Variants in VPS13B observed in about 807,000 individuals in gnomAD.
VPS13B encodes the protein intermembrane lipid transfer protein VPS13B.
A neutral mutation model predicts 426.4 loss-of-function variants in VPS13B; 285 were observed. The observed-to-expected ratio is 0.67, with a 90% confidence interval of 0.61 to 0.74. The LOEUF (loss-of-function observed/expected upper bound fraction) is 0.74. Among genes scored for constraint, VPS13B ranks in the 30% least tolerant of loss-of-function variants. VPS13B has a pLI of 0.00. For synonymous variants in VPS13B, 1,676 were observed against 1,676.4 expected (o/e 1.00, Z 0.01); for missense variants, 4,537 against 4,782.6 (o/e 0.95, Z 1.51).
chr8:99,174,236 C>A (rs990076413), intron 16 of VPS13B, among the ~76,000 whole-genome samples: 3 of 152,166 alleles, frequency 2.0e-5, no homozygotes, highest in African/African-American at 7.2e-5. Flanking sequence ...TATCCATTGA[C>A]AAATACCTCT....
At chr8:99,741,005 T>G (rs1472644123) in intron 39 of VPS13B, among the ~76,000 whole-genome samples, 1 of 152,044 alleles carries the variant, frequency 6.6e-6, no homozygotes, top group Non-Finnish European at 1.5e-5. Flanking sequence ...GGCTAAATGC[T>G]CCAATTAAAA....
chr8:99,217,208 A>G (rs2132815748), intron 17 of VPS13B, among the ~76,000 whole-genome samples: 1 of 152,268 alleles, frequency 6.6e-6, no homozygotes, highest in South Asian at 2.1e-4. Flanking sequence ...TTGCTAACAC[A>G]TAAGTGATTA....
At chr8:99,085,173 CT>C (rs1731412800) in intron 3 of VPS13B, among the ~76,000 whole-genome samples, 1 of 152,108 alleles carries the variant, frequency 6.6e-6, no homozygotes, top group Non-Finnish European at 1.5e-5. Context: ...ATAGTTAGCT[CT>C]TGTCGTTGAA....
chr8:99,362,476 G>C (rs1334604913), intron 19 of VPS13B, among the ~76,000 whole-genome samples: 2 of 151,952 alleles, frequency 1.3e-5, no homozygotes, highest in Non-Finnish European at 2.9e-5. Flanking sequence ...TCATTATAGT[G>C]GATAACTAAT....
intron 51 of VPS13B, among the ~76,000 whole-genome samples, chr8:99,828,414 T>TTTTTTC (rs1814846933): frequency 8.6e-6 from 1 of 116,510 alleles, no homozygotes; most frequent in Non-Finnish European, 1.8e-5. Context: ...TTTTTTTTTT[T>TTTTTTC]TTTTTTTTTT....
At chr8:99,384,773 G>A (rs989124691) in intron 20 of VPS13B, among the ~76,000 whole-genome samples, 14 of 152,130 alleles carry the variant, frequency 9.2e-5, no homozygotes, top group South Asian at 8.3e-4. Flanking sequence ...ACTACCTCCC[G>A]AGTTCAAGTG....
chr8:99,587,231 A>C (rs1826351023), intron 33 of VPS13B, among the ~76,000 whole-genome samples: 1 of 152,200 alleles, frequency 6.6e-6, no homozygotes, highest in East Asian at 1.9e-4. Flanking sequence ...ACTGATGGAC[A>C]TTTGGGTTGG....
intron 14 of VPS13B, among the ~76,000 whole-genome samples, chr8:99,156,339 A>G (rs991167508): frequency 6.6e-6 from 1 of 152,250 alleles, no homozygotes; most frequent in Non-Finnish European, 1.5e-5. Flanking sequence ...TTTGCAAAAA[A>G]TATGCATTCT....
intron 19 of VPS13B, among the ~76,000 whole-genome samples, chr8:99,360,202 CTCTCTCTCTTTCTTTCTTTCTT>C (rs1812465687): frequency 2.4e-5 from 1 of 41,148 alleles, no homozygotes; most frequent in Admixed American, 1.8e-4. Context: ...CTCTCTCTCT[CTCTCTCTCTTTCTTTCTTTCTT>C]TCTTTCTTTC....
At chr8:99,688,185 T>G (rs1831502234) in intron 35 of VPS13B, among the ~76,000 whole-genome samples, 1 of 148,412 alleles carries the variant, frequency 6.7e-6, no homozygotes. Context: ...GTTTCTTAGG[T>G]AAGGAGGAGG....
chr8:99,040,787 A>G (rs936368499), intron 3 of VPS13B, among the ~76,000 whole-genome samples: 3 of 152,168 alleles, frequency 2.0e-5, no homozygotes, highest in Admixed American at 6.5e-5. Context: ...ATCTGTTAAA[A>G]AAAACTATTA....
chr8:99,578,353 T>C (rs1293122520), intron 33 of VPS13B, among the ~76,000 whole-genome samples: 2 of 152,146 alleles, frequency 1.3e-5, no homozygotes, highest in Non-Finnish European at 2.9e-5. Flanking sequence ...AGCTTTAAGT[T>C]CTGTTTAGTA....
rs1056213506 is a variant in VPS13B, at chr8:99,285,326, T to C, written c.2824+10072T>C. On this transcript the variant is annotated intron_variant, in intron 19 of 61. Coordinates refer to ENST00000357162, the MANE Select transcript of VPS13B (RefSeq NM_152564.5). ...GAAGGATGCCAGAGGGAGAAATCCC[T>C]TGAGCCTTAAGGGTAACCAGTTTCC... 2.6e-5 allele frequency among the ~76,000 whole-genome samples: 4 copies of C among 152,306 alleles called. No homozygotes were observed. The South Asian group carries it at 8.3e-4, about 32-fold the overall frequency.
At chr8:99,534,167 T>TA (rs1823071937) in intron 30 of VPS13B, among the ~76,000 whole-genome samples, 1 of 152,156 alleles carries the variant, frequency 6.6e-6, no homozygotes. Flanking sequence ...TGCGTCATGG[T>TA]ATTCTGCTGA....
intron 35 of VPS13B, among the ~76,000 whole-genome samples, chr8:99,686,197 C>T (rs1265370302): frequency 2.6e-5 from 4 of 152,170 alleles, no homozygotes; most frequent in Non-Finnish European, 5.9e-5. Context: ...TCTTCCTTTG[C>T]TTTCTCCCAA....
intron 21 of VPS13B, among the ~76,000 whole-genome samples, chr8:99,408,887 C>T (rs914694179): frequency 1.3e-5 from 2 of 152,122 alleles, no homozygotes; most frequent in Admixed American, 6.6e-5. Flanking sequence ...TGGTAGTGTT[C>T]AGAAAGAAGT....
At chr8:99,129,030 A>T (rs1458088169) in intron 8 of VPS13B, among the ~76,000 whole-genome samples, 1 of 152,106 alleles carries the variant, frequency 6.6e-6, no homozygotes, top group East Asian at 1.9e-4. Flanking sequence ...AGATAATTCA[A>T]TGTTTTCTAA....
intron 17 of VPS13B, among the ~76,000 whole-genome samples, chr8:99,271,155 TA>T (rs1818570349): frequency 6.6e-6 from 1 of 151,910 alleles, no homozygotes; most frequent in Non-Finnish European, 1.5e-5. Flanking sequence ...TTATTGATAC[TA>T]CTGCTGCTGC....
chr8:99,204,229 G>A (rs926684579), intron 17 of VPS13B, among the ~76,000 whole-genome samples: 3 of 152,150 alleles, frequency 2.0e-5, no homozygotes, highest in Non-Finnish European at 4.4e-5. Flanking sequence ...TCTGATCTTT[G>A]ACAAACCCGA....
Sources: allele counts gnomAD v4.1 joint callset (sites outside exome capture counted in the v4.1 genomes callset), GRCh38; gene constraint gnomAD v4.1.1; transcripts MANE v1.5; gene names NCBI Gene and HGNC (gene_info 2026-07-23, HGNC 2026-07-21).